Variants in CLSTN2 observed in about 807,000 individuals in gnomAD.
CLSTN2 encodes the protein calsyntenin-2.
A neutral mutation model predicts 101.2 loss-of-function variants in CLSTN2; 48 were observed. The observed-to-expected ratio is 0.47, with a 90% CI of 0.38 to 0.60. The LOEUF (loss-of-function observed/expected upper bound fraction) is 0.60. CLSTN2 is among the 20% of genes least tolerant of loss of function. The pLI is 0.00. For missense variants in CLSTN2, 1,160 were observed against 1,238.2 expected, an observed-to-expected ratio of 0.94 and a Z score of 0.95; for synonymous variants, 481 against 463.6, an observed-to-expected ratio of 1.04 and a Z score of -0.48.
chr3:140,273,475 C>T (rs2086763472), intron 2 of CLSTN2, among the ~76,000 whole-genome samples: 1 of 152,158 alleles, frequency 6.6e-6, no homozygotes, highest in African/African-American at 2.4e-5. Flanking sequence ...ATGAAAGCTT[C>T]ACAGCTACAT....
intron 8 of CLSTN2, among the ~76,000 whole-genome samples, chr3:140,528,134 G>T (rs955203333): frequency 2.6e-5 from 4 of 152,092 alleles, no homozygotes; most frequent in African/African-American, 9.7e-5. Context: ...GCCTAAGACA[G>T]AATTGGTCCT....
chr3:140,007,646 C>T (rs868058360), intron 1 of CLSTN2, among the ~76,000 whole-genome samples: 10 of 152,146 alleles, frequency 6.6e-5, no homozygotes, highest in Admixed American at 1.3e-4. Flanking sequence ...GCTTGCAAGG[C>T]GGCGGTGGGA....
intron 2 of CLSTN2, among the ~76,000 whole-genome samples, chr3:140,400,571 C>A (rs1474943689): frequency 6.6e-6 from 1 of 152,080 alleles, no homozygotes; most frequent in African/African-American, 2.4e-5. Flanking sequence ...TGGTGGCACA[C>A]ACCTGTAGCC....
intron 8 of CLSTN2, among the ~76,000 whole-genome samples, chr3:140,483,255 G>T (rs1253751791): frequency 6.6e-6 from 1 of 152,194 alleles, no homozygotes; most frequent in Non-Finnish European, 1.5e-5. Context: ...GAGCGGTTTT[G>T]AGTGCGTTTC....
chr3:139,980,713 T>C (rs541183090), intron 1 of CLSTN2, among the ~76,000 whole-genome samples: 73 of 152,248 alleles, frequency 4.8e-4, no homozygotes, highest in African/African-American at 1.7e-3. Flanking sequence ...TCCCCTGATT[T>C]ATCCACAGCC....
chr3:140,396,705 C>A (rs2088186328), intron 2 of CLSTN2, among the ~76,000 whole-genome samples: 1 of 152,146 alleles, frequency 6.6e-6, no homozygotes, highest in Non-Finnish European at 1.5e-5. Context: ...TTTCCCCAGC[C>A]CCCCAACAAT....
intron 1 of CLSTN2, among the ~76,000 whole-genome samples, chr3:140,101,185 C>T (rs142101608): frequency 6.6e-6 from 1 of 152,200 alleles, no homozygotes; most frequent in Non-Finnish European, 1.5e-5. Context: ...AGCCATGTTC[C>T]TGGTACATAA....
chr3:140,350,109 C>T (rs183493672), intron 2 of CLSTN2, among the ~76,000 whole-genome samples: 12 of 152,364 alleles, frequency 7.9e-5, no homozygotes, highest in Admixed American at 7.8e-4. Context: ...CTGGCTTTGA[C>T]AGCCCACGTG....
At position 140,231,522 on chromosome 3, in the gene CLSTN2, ATTG is replaced by A. The variant is rs151005912; in HGVS notation, c.232+55450_232+55452del. ...AAATATACAGTGACTGTTCCCTTAA[ATTG>A]GGTTGCCCATTATAGCTCATCTCAG... On this transcript the variant is annotated intron_variant, in intron 2 of 16. Coordinates refer to ENST00000458420, the MANE Select transcript of CLSTN2 (RefSeq NM_022131.3). 9.2e-3 allele frequency among the ~76,000 whole-genome samples: 1,394 copies of A among 152,298 alleles called. 28 individuals carry two copies. The highest frequency in any genetic ancestry group is 0.032 in the African/African-American group (1,326 of 41,566).
At position 140,566,575 on chromosome 3, in the gene CLSTN2, C is replaced by T. The variant is rs940748413; in HGVS notation, c.*322C>T. The T allele has an allele frequency of 2.2e-5, 8 of 355,946 alleles. No individual in the cohort carries two copies. The highest frequency in any genetic ancestry group is 4.3e-5 in the Non-Finnish European group (8 of 188,046). 22.0% of individuals were successfully genotyped at this position (355,946 alleles called of 1,614,324 possible). The stretch of plus-strand genomic sequence containing the variant: ...GTTTTTTCCTGCAGGGAAGAAGGCC[C>T]ACCTTTGTGTCACTCACCTCCCCAG... On this transcript the variant is annotated 3_prime_UTR_variant, in exon 17 of 17. Transcript: ENST00000458420.
chr3:140,001,955 A>G (rs995349926), intron 1 of CLSTN2, among the ~76,000 whole-genome samples: 1 of 152,160 alleles, frequency 6.6e-6, no homozygotes, highest in African/African-American at 2.4e-5. Flanking sequence ...ACAGGATCTC[A>G]TTCTTTTTTA....
At chr3:140,358,213 C>T (rs1322836782) in intron 2 of CLSTN2, among the ~76,000 whole-genome samples, 1 of 152,102 alleles carries the variant, frequency 6.6e-6, no homozygotes, top group Non-Finnish European at 1.5e-5. Context: ...CAAGCCCCCC[C>T]TCCATCTGTC....
intron 2 of CLSTN2, among the ~76,000 whole-genome samples, chr3:140,316,397 T>C (rs535347255): frequency 6.6e-6 from 1 of 152,326 alleles, no homozygotes; most frequent in Non-Finnish European, 1.5e-5. Flanking sequence ...CCAAATTCAA[T>C]AGCATATATC....
At chr3:140,056,851 T>C (rs1277251238) in intron 1 of CLSTN2, among the ~76,000 whole-genome samples, 1 of 152,198 alleles carries the variant, frequency 6.6e-6, no homozygotes, top group Non-Finnish European at 1.5e-5. Context: ...TGAAAATCAT[T>C]TACTTAAATG....
intron 2 of CLSTN2, among the ~76,000 whole-genome samples, chr3:140,330,303 T>C (rs1559840547): frequency 1.3e-5 from 2 of 152,224 alleles, no homozygotes; most frequent in Non-Finnish European, 2.9e-5. Flanking sequence ...CCACATCTTT[T>C]TGAGTTCACT....
At chr3:140,202,467 A>C (rs2010729791) in intron 2 of CLSTN2, among the ~76,000 whole-genome samples, 1 of 152,214 alleles carries the variant, frequency 6.6e-6, no homozygotes, top group Admixed American at 6.5e-5. Context: ...TGGAGGTGTC[A>C]TTGCTGAGTT....
chr3:139,969,648 T>C (rs780486670), intron 1 of CLSTN2, among the ~76,000 whole-genome samples: 1 of 152,144 alleles, frequency 6.6e-6, no homozygotes, highest in African/African-American at 2.4e-5. Flanking sequence ...ACTGCGTGAG[T>C]GTCTTCACTT....
intron 2 of CLSTN2, among the ~76,000 whole-genome samples, chr3:140,245,971 A>G (rs1056757223): frequency 6.6e-6 from 1 of 152,202 alleles, no homozygotes; most frequent in Admixed American, 6.6e-5. Flanking sequence ...AAGTCTTATT[A>G]TTATGCTGTA....
intron 1 of CLSTN2, among the ~76,000 whole-genome samples, chr3:139,991,122 G>A (rs1049779500): frequency 6.6e-6 from 1 of 152,158 alleles, no homozygotes; most frequent in Non-Finnish European, 1.5e-5. Flanking sequence ...TATCTTATTT[G>A]GGTAAATACA....
Sources: allele counts gnomAD v4.1 joint callset (sites outside exome capture counted in the v4.1 genomes callset), GRCh38; gene constraint gnomAD v4.1.1; transcripts MANE v1.5; gene names NCBI Gene and HGNC (gene_info 2026-07-23, HGNC 2026-07-21).